Variants in SLC11A2 observed in about 807,000 individuals in gnomAD.
SLC11A2 encodes the protein natural resistance-associated macrophage protein 2.
Under a neutral mutation model 68.0 loss-of-function variants are expected in SLC11A2, and 38 were observed. That is an observed-to-expected ratio of 0.56 (90% CI 0.43 to 0.73). SLC11A2 has a LOEUF of 0.73. Among genes scored for constraint, SLC11A2 ranks in the 30% least tolerant of loss-of-function variants. The pLI, the probability that SLC11A2 is intolerant of heterozygous loss-of-function variation, is 0.00. For missense variants in SLC11A2, 517 were observed against 690.5 expected (o/e 0.75, Z 2.82); for synonymous variants, 242 against 250.6 (o/e 0.97, Z 0.32).
At chr12:50,970,453 T>C in the SLC11A2 span, 1 of 1,500,374 alleles carries the variant, frequency 6.7e-7, no homozygotes, top group East Asian at 2.5e-5. Flanking sequence ...TGTTCTCTAT[T>C]CTATGTATAA....
chr12:50,991,671 A>C lies in SLC11A2; in HGVS notation c.1349T>G (p.Leu450Arg). 1 of 1,613,406 alleles carries C rather than the reference A, an allele frequency of 6.2e-7. No individual in the cohort carries two copies. Among genetic ancestry groups the C allele is most frequent in the Non-Finnish European group, 8.5e-7 (1 of 1,179,592 alleles). ...GAGGATGGGTATGAGAGCAAAGGGAAGCTGGAAAAGAAAGAAGATCAGATG... is the reference window on the plus strand; with the variant it reads ...GAGGATGGGTATGAGAGCAAAGGGACGCTGGAAAAGAAAGAAGATCAGATG... ...DFLNVLQSLQLPFALIPILTF... is the reference protein window; with the variant it reads ...DFLNVLQSLQRPFALIPILTF... The change falls in exon 14 of 16, where the codon CTT becomes CGT. Residue 450 changes from leucine to arginine, a missense_variant and splice_region_variant. Leu to Arg is a moderately radical substitution (Grantham distance 102). Coordinates refer to ENST00000262052, the MANE Select transcript of SLC11A2 (RefSeq NM_000617.3).
chr12:50,995,830 CA>C, intron 9 of SLC11A2, 43 bp from the exon 10 acceptor site: 1 of 1,597,776 alleles, frequency 6.3e-7, no homozygotes, highest in Non-Finnish European at 8.6e-7. Context: ...CCAGTTAGAA[CA>C]AGTTTCCTTG....
Position 50,986,866 on chromosome 12 carries a change from A to G in SLC11A2, c.*1459T>C, listed in dbSNP as rs1359628714. The G allele has an allele frequency of 4.7e-6, 6 of 1,287,132 alleles. No individual in the cohort carries two copies. 79.7% of individuals were successfully genotyped at this position (1,287,132 alleles called of 1,614,324 possible). ...GCGCTTTTGACTGTGTGCAAGTATCAGTAATAATGCTTTTGGGGGCTCAGA... is the reference window on the plus strand; with the variant it reads ...GCGCTTTTGACTGTGTGCAAGTATCGGTAATAATGCTTTTGGGGGCTCAGA... On this transcript the variant is annotated 3_prime_UTR_variant, in exon 16 of 16. Transcript: ENST00000262052.
chr12:51,026,848 T>C (rs1944416008), upstream of SLC11A2, among the ~76,000 whole-genome samples: 1 of 151,670 alleles, frequency 6.6e-6, no homozygotes, highest in African/African-American at 2.4e-5. Context: ...CTGGGCAACA[T>C]AGTGAGACCC....
intron 1 of SLC11A2, among the ~76,000 whole-genome samples, chr12:51,022,733 T>A (rs1184608726): frequency 6.6e-6 from 1 of 152,178 alleles, no homozygotes; most frequent in Non-Finnish European, 1.5e-5. Flanking sequence ...CTCTTTCTGC[T>A]CTTTGAAACC....
the SLC11A2 span, among the ~76,000 whole-genome samples, chr12:50,974,136 G>C: frequency 0.016 from 2,425 of 152,234 alleles, 34 homozygotes; most frequent in Middle Eastern, 0.034. Flanking sequence ...GAAATACAGA[G>C]AATGCCACAA....
At chr12:51,022,401 C>G (rs1472849035) in intron 1 of SLC11A2, among the ~76,000 whole-genome samples, 1 of 141,476 alleles carries the variant, frequency 7.1e-6, no homozygotes, top group Non-Finnish European at 1.5e-5. Context: ...GCAAGAAACC[C>G]AGTCTCCATT....
chr12:50,975,160 T>C (rs1340678357), downstream of SLC11A2, among the ~76,000 whole-genome samples: 2 of 152,058 alleles, frequency 1.3e-5, no homozygotes, highest in Non-Finnish European at 2.9e-5. Context: ...TCTACAGAAC[T>C]CTCCACCCCA....
At chr12:50,991,823 G>T in intron 13 of SLC11A2, 151 bp from the exon 14 acceptor site, 1 of 714,314 alleles carries the variant, frequency 1.4e-6, no homozygotes, top group Non-Finnish European at 2.5e-6. Context: ...TGGGCATTAT[G>T]CTGAATTCTG....
chr12:51,017,300 A>G (rs963941938), intron 1 of SLC11A2, among the ~76,000 whole-genome samples: 7 of 152,226 alleles, frequency 4.6e-5, no homozygotes, highest in Admixed American at 3.3e-4. Context: ...TGCAACCACT[A>G]TAAATAAGAC....
chr12:51,016,237 C>G (rs896406946), intron 1 of SLC11A2, among the ~76,000 whole-genome samples: 6 of 152,216 alleles, frequency 3.9e-5, no homozygotes, highest in Middle Eastern at 6.8e-3. Context: ...CCCATCTCTA[C>G]AAAATATACA....
downstream of SLC11A2, among the ~76,000 whole-genome samples, chr12:50,984,864 C>T (rs763611856): frequency 6.6e-6 from 1 of 151,528 alleles, no homozygotes; most frequent in Non-Finnish European, 1.5e-5. Flanking sequence ...CCTTGTGCTG[C>T]TAAACAACAA....
chr12:50,953,726 A>G, the SLC11A2 span, among the ~76,000 whole-genome samples: 1 of 152,218 alleles, frequency 6.6e-6, no homozygotes, highest in Non-Finnish European at 1.5e-5. Flanking sequence ...ACTGAATAAC[A>G]GCATTATGAT....
intron 1 of SLC11A2, chr12:51,026,077 T>C (rs1944364515): frequency 1.9e-6 from 2 of 1,062,056 alleles, no homozygotes; most frequent in Non-Finnish European, 2.3e-6. Context: ...ACCTCCGGCG[T>C]TCCCTCCCTG....
At chr12:50,961,037 T>C in the SLC11A2 span, 8 of 1,613,394 alleles carry the variant, frequency 5.0e-6, no homozygotes, top group African/African-American at 9.3e-5. Flanking sequence ...GATCAGAAAA[T>C]GTCAATTCAT....
chr12:50,993,556 T>C (rs1217409360), intron 11 of SLC11A2, among the ~76,000 whole-genome samples: 1 of 151,596 alleles, frequency 6.6e-6, no homozygotes, highest in Admixed American at 6.6e-5. Context: ...CCAGGCATGG[T>C]GGCTCACACC....
At chr12:50,973,005 G>A in the SLC11A2 span, among the ~76,000 whole-genome samples, 1 of 152,210 alleles carries the variant, frequency 6.6e-6, no homozygotes, top group East Asian at 1.9e-4. Context: ...AGCTCGAACT[G>A]GGTGGAGCTC....
chr12:50,990,709 C>G (rs1050625859), intron 15 of SLC11A2, 86 bp downstream of exon 15: 1 of 1,416,026 alleles, frequency 7.1e-7, no homozygotes, highest in Admixed American at 1.7e-5. Flanking sequence ...TGTGCCCAGC[C>G]TGGGTCTGTT....
downstream of SLC11A2, chr12:50,980,131 T>G (rs1939939301): frequency 2.8e-6 from 1 of 359,996 alleles, no homozygotes; most frequent in South Asian, 2.1e-5. Flanking sequence ...GATGCTGAAG[T>G]GGGAGGATGG....
Sources: gnomAD v4.1 joint callset for allele counts (sites outside exome capture counted in the v4.1 genomes callset) on GRCh38, gnomAD v4.1.1 for gene constraint, MANE v1.5 for transcripts, NCBI Gene and HGNC (gene_info 2026-07-23, HGNC 2026-07-21) for gene names.